The following IFI27L1 variants were observed in gnomAD, a reference collection of about 807,000 sequenced individuals.
IFI27L1 encodes the protein interferon alpha inducible protein 27 like 1.
IFI27L1 carries 3 observed loss-of-function variants against 9.2 expected under a neutral mutation model. The observed-to-expected ratio is 0.32, with a 90% CI of 0.15 to 0.84. The LOEUF is 0.84. Among genes scored for constraint, IFI27L1 ranks in the 40% least tolerant of loss-of-function variants. The probability of loss-of-function intolerance (pLI) is 0.56; values close to 1 mark genes in which losing one functional copy is unlikely to be tolerated. For missense variants in IFI27L1, 133 were observed against 134.2 expected (o/e 0.99, Z 0.05); for synonymous variants, 53 against 50.0 (o/e 1.06, Z -0.26).
chr14:94,097,329 G>A (rs918596027), intron 2 of IFI27L1, among the ~76,000 whole-genome samples: 1 of 152,234 alleles, frequency 6.6e-6, no homozygotes, highest in African/African-American at 2.4e-5. Context: ...ATTCTTTATG[G>A]AAGGCTGCAG....
intron 1 of IFI27L1, among the ~76,000 whole-genome samples, chr14:94,094,335 G>A (rs771033391): frequency 2.6e-5 from 4 of 152,068 alleles, no homozygotes; most frequent in Non-Finnish European, 1.5e-5. Context: ...TCTCTCTAAA[G>A]GCGGAAACTT....
At chr14:94,088,327 A>G (rs1886351073) in intron 1 of IFI27L1, 1 of 702,168 alleles carries the variant, frequency 1.4e-6, no homozygotes, top group African/African-American at 1.7e-5. Context: ...TTACTGGCAT[A>G]GATGCCCCAG....
rs769149410 is a variant in IFI27L1, at chr14:94,096,905, G to C, written c.-33G>C. 2.1e-5 allele frequency: 34 copies of C among 1,610,956 alleles called. No individual in the cohort carries two copies. Among genetic ancestry groups the C allele is most frequent in the Non-Finnish European group, 2.6e-5 (31 of 1,177,616 alleles). On this transcript the variant is annotated 5_prime_UTR_variant, in exon 2 of 5. Transcript: ENST00000555523. Reference sequence around the variant, plus strand: ...CCAACAGGTGGAAGTCCAAGAATCCGAGTGGAGGCTCACCGAGGCGAAGGG... The same window carrying C: ...CCAACAGGTGGAAGTCCAAGAATCCCAGTGGAGGCTCACCGAGGCGAAGGG...
chr14:94,099,278 G>A (rs1161540558), intron 2 of IFI27L1, among the ~76,000 whole-genome samples: 2 of 152,220 alleles, frequency 1.3e-5, no homozygotes, highest in African/African-American at 4.8e-5. Context: ...GGAATGTGGG[G>A]GCAGGGGTGG....
intron 1 of IFI27L1, among the ~76,000 whole-genome samples, chr14:94,091,067 C>T (rs1327673605): frequency 6.6e-6 from 1 of 152,162 alleles, no homozygotes; most frequent in Non-Finnish European, 1.5e-5. Context: ...GCGCTTAATT[C>T]CTGTTCTGTC....
At chr14:94,100,687 C>T (rs12590755) in intron 2 of IFI27L1, 52 bp from the exon 3 acceptor site, 473,580 of 1,607,252 alleles carry the variant, frequency 0.29, 75,815 homozygotes, top group African/African-American at 0.52. Context: ...TACCCACTCC[C>T]ATAGGTTTGT....
intron 1 of IFI27L1, among the ~76,000 whole-genome samples, chr14:94,082,261 TGAC>T (rs1440130637): frequency 2.6e-5 from 4 of 151,674 alleles, no homozygotes; most frequent in African/African-American, 9.8e-5. Flanking sequence ...TATTCTATGA[TGAC>T]TGAGAGAGGT....
At chr14:94,084,898 A>T (rs994699643) in intron 1 of IFI27L1, among the ~76,000 whole-genome samples, 3 of 152,304 alleles carry the variant, frequency 2.0e-5, no homozygotes, top group South Asian at 2.1e-4. Flanking sequence ...GTTTTTTTAC[A>T]TACAACCGAG....
intron 1 of IFI27L1, among the ~76,000 whole-genome samples, chr14:94,095,456 T>C (rs1406563276): frequency 6.6e-6 from 1 of 152,144 alleles, no homozygotes; most frequent in Admixed American, 6.5e-5. Context: ...TGTTAGTCAG[T>C]TTTACATTTC....
At chr14:94,086,970 A>T (rs1389826668) in intron 1 of IFI27L1, among the ~76,000 whole-genome samples, 2 of 152,242 alleles carry the variant, frequency 1.3e-5, no homozygotes, top group African/African-American at 4.8e-5. Context: ...AAAGAAAATG[A>T]CATTTGAGAA....
intron 4 of IFI27L1, chr14:94,102,189 C>G: frequency 1.6e-6 from 1 of 612,980 alleles, no homozygotes; most frequent in Non-Finnish European, 2.9e-6. Flanking sequence ...CCAGGCAGGT[C>G]TCCTCCCCTC....
At chr14:94,090,498 A>G (rs1234475331) in intron 1 of IFI27L1, among the ~76,000 whole-genome samples, 1 of 152,220 alleles carries the variant, frequency 6.6e-6, no homozygotes, top group Non-Finnish European at 1.5e-5. Context: ...ACTTTGTTCC[A>G]TGAAAGGAAT....
intron 1 of IFI27L1, among the ~76,000 whole-genome samples, chr14:94,093,167 CTTT>C (rs66928480): frequency 1.6e-5 from 2 of 125,464 alleles, no homozygotes; most frequent in Admixed American, 8.5e-5. Context: ...CATTTCTTTT[CTTT>C]TTTTTTTTTT....
At chr14:94,092,918 C>T (rs571561649) in intron 1 of IFI27L1, among the ~76,000 whole-genome samples, 1 of 152,220 alleles carries the variant, frequency 6.6e-6, no homozygotes, top group Non-Finnish European at 1.5e-5. Context: ...TTGCCAGCCA[C>T]CCTCCTGGGT....
rs574612743 is a variant in IFI27L1 at position 94,088,754 on chromosome 14, A to T, written c.-52+7305A>T. Among the ~76,000 whole-genome samples, 21 of 152,318 alleles carry T rather than the reference A, an allele frequency of 1.4e-4. No homozygotes were observed. The South Asian group carries it at 4.1e-3, about 30-fold the overall frequency. ...AAATCTTTTACTATTAGTAAGATTG[A>T]CCATCTTTTTAAGTGTCTATTAGTC... On this transcript the variant is annotated intron_variant, in intron 1 of 4. Coordinates refer to ENST00000555523, the MANE Select transcript of IFI27L1 (RefSeq NM_206949.3).
chr14:94,091,637 T>C (rs140757376), intron 1 of IFI27L1, among the ~76,000 whole-genome samples: 35 of 152,276 alleles, frequency 2.3e-4, no homozygotes, highest in African/African-American at 7.7e-4. Context: ...ACACTTGATA[T>C]TATAAAATCA....
At chr14:94,093,892 G>GA (rs1313872804) in intron 1 of IFI27L1, among the ~76,000 whole-genome samples, 4 of 151,640 alleles carry the variant, frequency 2.6e-5, no homozygotes, top group African/African-American at 7.3e-5. Context: ...TGAGTGAAGA[G>GA]AAAAAAAAGG....
chr14:94,086,139 T>C (rs887167489), intron 1 of IFI27L1, among the ~76,000 whole-genome samples: 3 of 151,700 alleles, frequency 2.0e-5, no homozygotes, highest in African/African-American at 7.3e-5. Flanking sequence ...AAGTGAGCTC[T>C]CACTCTGAGT....
chr14:94,083,186 A>G (rs1886169212), intron 1 of IFI27L1, among the ~76,000 whole-genome samples: 1 of 152,250 alleles, frequency 6.6e-6, no homozygotes, highest in Non-Finnish European at 1.5e-5. Flanking sequence ...GTGGTTGGAA[A>G]TAGCAAGAAA....
Sources: gnomAD v4.1 joint callset for allele counts (sites outside exome capture counted in the v4.1 genomes callset) on GRCh38, gnomAD v4.1.1 for gene constraint, MANE v1.5 for transcripts, NCBI Gene and HGNC (gene_info 2026-07-23, HGNC 2026-07-21) for gene names.